The following AGBL4 variants were observed in gnomAD, a reference collection of about 807,000 sequenced individuals.
AGBL4 encodes the protein cytosolic carboxypeptidase 6.
A neutral mutation model predicts 66.4 loss-of-function variants in AGBL4; 58 were observed. The observed-to-expected ratio is 0.87, with a 90% CI of 0.71 to 1.09. The LOEUF is 1.09. Ranked by LOEUF, AGBL4 falls within the 50% of genes least tolerant of loss-of-function variation. The probability of loss-of-function intolerance (pLI) is 0.00; values close to 1 mark genes in which losing one functional copy is unlikely to be tolerated. For synonymous variants in AGBL4, 234 were observed against 222.9 expected, an observed-to-expected ratio of 1.05 and a Z score of -0.44; for missense variants, 579 against 631.0, an observed-to-expected ratio of 0.92 and a Z score of 0.88.
chr1:49,504,395 A>G (rs2148769708), intron 3 of AGBL4, among the ~76,000 whole-genome samples: 1 of 152,216 alleles, frequency 6.6e-6, no homozygotes, highest in South Asian at 2.1e-4. Flanking sequence ...TCTTAAGTAT[A>G]GTTTTATTCC....
intron 3 of AGBL4, among the ~76,000 whole-genome samples, chr1:49,686,404 A>G (rs1646789132): frequency 6.6e-6 from 1 of 152,210 alleles, no homozygotes; most frequent in Non-Finnish European, 1.5e-5. Context: ...CCTCAGGGCT[A>G]AAGCATGCAG....
At chr1:49,302,882 T>A (rs1644780658) in intron 3 of AGBL4, among the ~76,000 whole-genome samples, 1 of 151,974 alleles carries the variant, frequency 6.6e-6, no homozygotes, top group Admixed American at 6.6e-5. Context: ...TTCTCATTGT[T>A]CAGCTCTCAC....
chr1:50,001,602 C>G (rs948435226), intron 1 of AGBL4, among the ~76,000 whole-genome samples: 2 of 151,792 alleles, frequency 1.3e-5, no homozygotes, highest in African/African-American at 4.8e-5. Context: ...AAAACAAAAT[C>G]AGTGAAGCAG....
At chr1:49,375,527 A>G (rs1459592885) in intron 3 of AGBL4, among the ~76,000 whole-genome samples, 4 of 152,054 alleles carry the variant, frequency 2.6e-5, no homozygotes, top group African/African-American at 9.7e-5. Flanking sequence ...ACATTCTATT[A>G]ATACATAATG....
intron 5 of AGBL4, among the ~76,000 whole-genome samples, chr1:48,950,756 C>G (rs1210383957): frequency 6.6e-6 from 1 of 152,134 alleles, no homozygotes; most frequent in Non-Finnish European, 1.5e-5. Flanking sequence ...CCATACCAAC[C>G]ATGCCCACAT....
chr1:49,625,193 C>T (rs894186944), intron 3 of AGBL4, among the ~76,000 whole-genome samples: 2 of 152,154 alleles, frequency 1.3e-5, no homozygotes, highest in Admixed American at 1.3e-4. Flanking sequence ...TATTTTAAAA[C>T]ACTTTATATT....
chr1:49,453,385 C>A (rs1475501157), intron 3 of AGBL4, among the ~76,000 whole-genome samples: 5 of 151,738 alleles, frequency 3.3e-5, no homozygotes, highest in Non-Finnish European at 7.4e-5. Flanking sequence ...TAGAACTACC[C>A]AGCTACCAAG....
chr1:49,731,916 TAACA>T (rs1349585306), intron 2 of AGBL4, among the ~76,000 whole-genome samples: 1 of 152,138 alleles, frequency 6.6e-6, no homozygotes, highest in East Asian at 1.9e-4. Flanking sequence ...ACTACTTAAC[TAACA>T]GTAAGAATAG....
At chr1:49,515,716 T>C (rs1027768411) in intron 3 of AGBL4, among the ~76,000 whole-genome samples, 5 of 151,258 alleles carry the variant, frequency 3.3e-5, no homozygotes, top group Non-Finnish European at 7.4e-5. Context: ...CCATGAAAAA[T>C]GATGAGTTCA....
At chr1:49,737,460 A>G (rs1354151444) in intron 2 of AGBL4, among the ~76,000 whole-genome samples, 2 of 152,234 alleles carry the variant, frequency 1.3e-5, no homozygotes, top group Non-Finnish European at 2.9e-5. Flanking sequence ...TTTTTCACTT[A>G]TAAGTGGTAG....
At chr1:49,267,119 G>A (rs1643939052) in intron 3 of AGBL4, among the ~76,000 whole-genome samples, 1 of 152,216 alleles carries the variant, frequency 6.6e-6, no homozygotes. Context: ...TTTGGGTATA[G>A]TGCACAGAGG....
chr1:48,713,951 A>T (rs927731048), intron 6 of AGBL4, among the ~76,000 whole-genome samples: 15 of 152,216 alleles, frequency 9.9e-5, no homozygotes, highest in Non-Finnish European at 1.9e-4. Context: ...CTGAGGCCTA[A>T]GGACACCAAA....
intron 5 of AGBL4, among the ~76,000 whole-genome samples, chr1:48,960,266 A>G (rs1414766480): frequency 6.6e-6 from 1 of 152,148 alleles, no homozygotes; most frequent in East Asian, 1.9e-4. Context: ...TTTCAAAATT[A>G]TTAGCGTTGC....
At chr1:48,775,285 A>G (rs7520784) in intron 6 of AGBL4, among the ~76,000 whole-genome samples, 106,031 of 151,884 alleles carry the variant, frequency 0.7, 37,532 homozygotes, top group African/African-American at 0.76. Context: ...CAGTTCTTCC[A>G]CTCTTCAACT....
intron 1 of AGBL4, among the ~76,000 whole-genome samples, chr1:50,023,085 C>T (rs1321390664): frequency 1.3e-5 from 2 of 152,100 alleles, no homozygotes; most frequent in Admixed American, 1.3e-4. Flanking sequence ...GATCATTGAA[C>T]CCACACACAC....
In AGBL4 at chr1:48,896,770, T is replaced by A. The variant is rs933558328; in HGVS notation, c.595-29540A>T. 2.1e-4 allele frequency among the ~76,000 whole-genome samples: 8 copies of A among 37,214 alleles called. No individual in the cohort carries two copies. In the East Asian group the frequency reaches 4.9e-3, roughly 23 times the overall value. The allele number at this position is 37,214 out of a possible 152,430, so 24.4% of individuals were successfully genotyped here. ...CAAAAGGTAGAGAATATAATTTTCC[T>A]TTCTTTCTTTTTTTTTACTAGTACA... On this transcript the variant is annotated intron_variant, in intron 5 of 13. Transcript: ENST00000371839.
chr1:48,842,482 G>A (rs1017633403), intron 6 of AGBL4, among the ~76,000 whole-genome samples: 1 of 152,056 alleles, frequency 6.6e-6, no homozygotes, highest in Non-Finnish European at 1.5e-5. Flanking sequence ...ATGGATTATT[G>A]ACCCTCTAAA....
At chr1:49,550,072 G>A (rs903049275) in intron 3 of AGBL4, among the ~76,000 whole-genome samples, 9 of 152,124 alleles carry the variant, frequency 5.9e-5, no homozygotes, top group Admixed American at 5.9e-4. Flanking sequence ...TTGCTTTAAA[G>A]TGTGTTTTGT....
chr1:49,352,173 G>A (rs1022617892), intron 3 of AGBL4, among the ~76,000 whole-genome samples: 2 of 152,074 alleles, frequency 1.3e-5, no homozygotes, highest in African/African-American at 4.8e-5. Flanking sequence ...AACACCGCTT[G>A]CATCTCTGCT....
Sources: allele counts gnomAD v4.1 joint callset (sites outside exome capture counted in the v4.1 genomes callset), GRCh38; gene constraint gnomAD v4.1.1; transcripts MANE v1.5; gene names NCBI Gene and HGNC (gene_info 2026-07-23, HGNC 2026-07-21).